The following CDH12 variants were observed in gnomAD, a reference collection of about 807,000 sequenced individuals.
The protein encoded by CDH12 is cadherin 12.
A neutral mutation model predicts 74.1 loss-of-function variants in CDH12; 41 were observed. The observed-to-expected ratio is 0.55, with a 90% confidence interval of 0.43 to 0.72. The LOEUF (loss-of-function observed/expected upper bound fraction) is 0.72, where lower values mean the gene tolerates loss of function less well. CDH12 is among the 30% of genes least tolerant of loss of function. CDH12 has a pLI of 0.00. For synonymous variants in CDH12, 399 were observed against 355.0 expected (o/e 1.12, Z -1.39); for missense variants, 945 against 977.2 (o/e 0.97, Z 0.44).
chr5:22,091,277 T>TTGTG (rs375919418), intron 4 of CDH12, among the ~76,000 whole-genome samples: 1 of 144,294 alleles, frequency 6.9e-6, no homozygotes, highest in Non-Finnish European at 1.5e-5. Context: ...GTGTGTGTGT[T>TTGTG]TGTGTGTGTG....
chr5:22,801,674 T>TAC (rs1748531550), intron 1 of CDH12, among the ~76,000 whole-genome samples: 1 of 105,872 alleles, frequency 9.4e-6, no homozygotes, highest in Non-Finnish European at 1.8e-5. Context: ...TATATATATA[T>TAC]ATATATATAT....
chr5:21,797,233 T>C (rs1056800322), intron 10 of CDH12, among the ~76,000 whole-genome samples: 1 of 151,830 alleles, frequency 6.6e-6, no homozygotes, highest in African/African-American at 2.4e-5. Flanking sequence ...AAGATGATGA[T>C]GATAAAATAC....
At chr5:21,813,875 C>A (rs1053322444) in intron 9 of CDH12, among the ~76,000 whole-genome samples, 2 of 152,126 alleles carry the variant, frequency 1.3e-5, no homozygotes, top group Non-Finnish European at 2.9e-5. Flanking sequence ...GTCTTTCTAG[C>A]TTGAATTCAT....
intron 2 of CDH12, among the ~76,000 whole-genome samples, chr5:22,499,073 T>C (rs1428147546): frequency 6.6e-6 from 1 of 151,044 alleles, no homozygotes; most frequent in African/African-American, 2.4e-5. Context: ...CCGGCTAATT[T>C]TTTTTTTTTT....
rs976939307 is a variant in CDH12, at chr5:21,845,940, G to A, written c.647-3612C>T. Among the ~76,000 whole-genome samples the A allele has an allele frequency of 5.3e-5, 8 of 152,210 alleles. No homozygotes were observed. The East Asian group carries it at 1.6e-3, about 30-fold the overall frequency. ...AGCTGCAGACATAGATAAGCAAGCT[G>A]GAAGCTTGCTCGGGGGAATGCCAGC... On this transcript the variant is annotated intron_variant, in intron 7 of 14. Coordinates refer to ENST00000382254, the MANE Select transcript of CDH12 (RefSeq NM_004061.5).
At chr5:22,827,127 G>A (rs896062269) in intron 1 of CDH12, among the ~76,000 whole-genome samples, 3 of 152,196 alleles carry the variant, frequency 2.0e-5, no homozygotes, top group Admixed American at 2.0e-4. Flanking sequence ...CTAGGGACTT[G>A]GTGCTCTGAG....
chr5:22,647,562 A>G lies in CDH12; in HGVS notation c.-522-142198T>C, dbSNP rs866646833. ...CCTTCTCGCTGTGTCCTCACTGGTC[A>G]CAGAGAGAGAAAGCACTCTGTTTTT... On this transcript the variant is annotated intron_variant, in intron 1 of 14. Transcript: ENST00000382254. Among the ~76,000 whole-genome samples, 10 of 151,848 alleles carry G rather than the reference A, an allele frequency of 6.6e-5. No homozygotes were observed. The Middle Eastern group carries it at 0.01, about 155-fold the overall frequency.
intron 3 of CDH12, among the ~76,000 whole-genome samples, chr5:22,284,707 G>A (rs1737058308): frequency 6.6e-6 from 1 of 152,078 alleles, no homozygotes; most frequent in East Asian, 1.9e-4. Flanking sequence ...ATACTCACAG[G>A]AAGAGGATTC....
At chr5:21,834,113 CT>C (rs553223326) in intron 8 of CDH12, among the ~76,000 whole-genome samples, 2 of 151,888 alleles carry the variant, frequency 1.3e-5, no homozygotes, top group African/African-American at 4.8e-5. Context: ...TGAGACTCAG[CT>C]AGTACCTGAA....
intron 1 of CDH12, among the ~76,000 whole-genome samples, chr5:22,601,989 A>G (rs1736873966): frequency 6.6e-6 from 1 of 152,142 alleles, no homozygotes; most frequent in Non-Finnish European, 1.5e-5. Flanking sequence ...GGGAATAACT[A>G]TATATGAAAA....
chr5:22,632,320 C>A (rs1349260122), intron 1 of CDH12, among the ~76,000 whole-genome samples: 3 of 151,868 alleles, frequency 2.0e-5, no homozygotes, highest in African/African-American at 7.3e-5. Context: ...CTCAGGAGTT[C>A]CTTGTAGCAA....
intron 1 of CDH12, among the ~76,000 whole-genome samples, chr5:22,792,561 A>G (rs1167840719): frequency 6.6e-6 from 1 of 152,182 alleles, no homozygotes; most frequent in Non-Finnish European, 1.5e-5. Flanking sequence ...TTTGGCATAC[A>G]CGTATATGGT....
At chr5:22,104,922 A>G (rs1165833311) in intron 4 of CDH12, among the ~76,000 whole-genome samples, 2 of 152,052 alleles carry the variant, frequency 1.3e-5, no homozygotes, top group Non-Finnish European at 2.9e-5. Flanking sequence ...GGTGAAATTA[A>G]GGTGTTGCTA....
intron 8 of CDH12, 39 bp downstream of exon 8, chr5:21,842,122 A>G (rs752427804): frequency 1.3e-6 from 2 of 1,517,884 alleles, no homozygotes; most frequent in Admixed American, 4.0e-5. Flanking sequence ...AATTTTTTTA[A>G]ACCGCAATAA....
chr5:22,327,938 T>C (rs899515143), intron 3 of CDH12, among the ~76,000 whole-genome samples: 11 of 152,242 alleles, frequency 7.2e-5, no homozygotes, highest in African/African-American at 2.4e-4. Flanking sequence ...TAGTTTATTA[T>C]GTTAGCTGGC....
intron 1 of CDH12, among the ~76,000 whole-genome samples, chr5:22,532,567 T>C (rs149863812): frequency 1.3e-5 from 2 of 151,310 alleles, no homozygotes; most frequent in African/African-American, 4.9e-5. Context: ...TAATTTAAAT[T>C]TCTGCTGAAT....
chr5:22,839,731 G>A (rs953358545), intron 1 of CDH12, among the ~76,000 whole-genome samples: 1 of 152,072 alleles, frequency 6.6e-6, no homozygotes, highest in Non-Finnish European at 1.5e-5. Flanking sequence ...TACAAACCCA[G>A]AAACACATAA....
At chr5:22,283,582 T>C (rs1178559012) in intron 3 of CDH12, among the ~76,000 whole-genome samples, 1 of 151,640 alleles carries the variant, frequency 6.6e-6, no homozygotes, top group Non-Finnish European at 1.5e-5. Context: ...GAGTAGAGGG[T>C]AGAATTGTGG....
intron 6 of CDH12, among the ~76,000 whole-genome samples, chr5:21,969,879 A>G (rs141012125): frequency 0.013 from 2,051 of 152,286 alleles, 14 homozygotes; most frequent in African/African-American, 0.024. Flanking sequence ...GTTCTGGGAT[A>G]TTTCTGACAA....
Sources: gnomAD v4.1 joint callset for allele counts (sites outside exome capture counted in the v4.1 genomes callset) on GRCh38, gnomAD v4.1.1 for gene constraint, MANE v1.5 for transcripts, NCBI Gene and HGNC (gene_info 2026-07-23, HGNC 2026-07-21) for gene names.